CACHD1: variants seen among roughly 807,000 people sequenced by gnomAD.
CACHD1 encodes VWFA and cache domain-containing protein 1.
In CACHD1, 71 loss-of-function variants were observed where a neutral mutation model predicts 138.7. The ratio of observed to expected loss-of-function variants is 0.51; its 90% CI spans 0.42 to 0.62. The LOEUF is 0.62. Among genes scored for constraint, CACHD1 ranks in the 20% least tolerant of loss-of-function variants. CACHD1 has a pLI of 0.00. For synonymous variants in CACHD1, 578 were observed against 591.5 expected (o/e 0.98, Z 0.33); for missense variants, 1,389 against 1,625.3 (o/e 0.85, Z 2.50).
intron 7 of CACHD1, among the ~76,000 whole-genome samples, chr1:64,634,926 G>A (rs1648460628): frequency 7.2e-6 from 1 of 139,486 alleles, no homozygotes; most frequent in Admixed American, 7.9e-5. Context: ...AACCCAGGAG[G>A]CAGAGGTTGC....
At chr1:64,592,279 T>C (rs760007308) in intron 3 of CACHD1, among the ~76,000 whole-genome samples, 4 of 152,200 alleles carry the variant, frequency 2.6e-5, no homozygotes, top group African/African-American at 4.8e-5. Flanking sequence ...CATTTTCGAC[T>C]CAACTTGTCT....
At chr1:64,690,982 C>T (rs1181316629) in intron 26 of CACHD1, among the ~76,000 whole-genome samples, 3 of 151,912 alleles carry the variant, frequency 2.0e-5, no homozygotes, top group Non-Finnish European at 4.4e-5. Context: ...AGTGGTGGCT[C>T]GCCATGGATG....
At chr1:64,568,478 G>C (rs1646900999) in intron 2 of CACHD1, among the ~76,000 whole-genome samples, 1 of 152,092 alleles carries the variant, frequency 6.6e-6, no homozygotes, top group South Asian at 2.1e-4. Flanking sequence ...GTACTGTTCA[G>C]CTAGGAAAAA....
In CACHD1 at chr1:64,691,555, A is replaced by C. The variant is rs780875953; in HGVS notation, c.3819A>C (p.Glu1273Asp). ...AAVTVHTVDA[E>D]C ...TCACGGTACACACTGTCGATGCAGA[A>C]TGCTAACAATCTCCTCACCTCCACG... Residue 1273 changes from glutamate to aspartate, a missense_variant, in exon 27 of 27, where the codon GAA becomes GAC. This residue lies in a region of CACHD1 where 78 missense variants were observed against 76.9 expected (regional missense o/e 1.01). Transcript: ENST00000651257. 3.1e-6 allele frequency: 5 copies of C among 1,613,198 alleles called. No homozygotes were observed. The highest frequency in any genetic ancestry group is 4.2e-6 in the Non-Finnish European group (5 of 1,179,176).
At chr1:64,514,197 C>T (rs1646442505) in intron 1 of CACHD1, among the ~76,000 whole-genome samples, 2 of 152,162 alleles carry the variant, frequency 1.3e-5, no homozygotes, top group East Asian at 3.8e-4. Context: ...GTGAACATCC[C>T]CCAGTTAAGA....
intron 2 of CACHD1, among the ~76,000 whole-genome samples, chr1:64,568,710 A>G (rs1168699305): frequency 6.6e-6 from 1 of 152,206 alleles, no homozygotes; most frequent in African/African-American, 2.4e-5. Flanking sequence ...AGGGGTATGT[A>G]TAGTACATTA....
At chr1:64,619,035 A>G (rs1283034984) in intron 4 of CACHD1, among the ~76,000 whole-genome samples, 1 of 152,266 alleles carries the variant, frequency 6.6e-6, no homozygotes, top group African/African-American at 2.4e-5. Context: ...ACAAAAATCC[A>G]TCTTTTTCCC....
At chr1:64,500,743 A>T (rs915900826) in intron 1 of CACHD1, among the ~76,000 whole-genome samples, 1 of 19,240 alleles carries the variant, frequency 5.2e-5, no homozygotes, top group Non-Finnish European at 5.4e-4. Context: ...AAAGAGAGAG[A>T]GAGAGAGAGA....
chr1:64,500,717 T>TAAAAAAAA (rs72436564), intron 1 of CACHD1, among the ~76,000 whole-genome samples: 9 of 33,916 alleles, frequency 2.7e-4, no homozygotes, highest in South Asian at 1.8e-3. Flanking sequence ...CCTTGTCTCT[T>TAAAAAAAA]AAAAAAAAAA....
chr1:64,524,594 CTCA>C (rs1553129372), intron 1 of CACHD1, among the ~76,000 whole-genome samples: 1 of 152,170 alleles, frequency 6.6e-6, no homozygotes, highest in East Asian at 1.9e-4. Flanking sequence ...GCCTATCTAC[CTCA>C]CTGAATTTGC....
intron 17 of CACHD1, 85 bp downstream of exon 17, chr1:64,671,771 A>G (rs1490228532): frequency 6.6e-7 from 1 of 1,509,058 alleles, no homozygotes; most frequent in East Asian, 2.3e-5. Context: ...GGAACCGCAT[A>G]GTTATGGTCA....
chr1:64,519,984 A>G (rs191971862), intron 1 of CACHD1, among the ~76,000 whole-genome samples: 51 of 152,350 alleles, frequency 3.3e-4, no homozygotes, highest in Middle Eastern at 3.4e-3. Context: ...TATATCAGCC[A>G]GTAGGCACAA....
At chr1:64,535,327 G>GGTTT (rs1408663639) in intron 1 of CACHD1, among the ~76,000 whole-genome samples, 1 of 136,642 alleles carries the variant, frequency 7.3e-6, no homozygotes, top group Non-Finnish European at 1.6e-5. Context: ...AATTTGGAGG[G>GGTTT]TTTTTTTTTT....
intron 1 of CACHD1, among the ~76,000 whole-genome samples, chr1:64,488,791 T>G (rs1313054583): frequency 6.6e-6 from 1 of 152,244 alleles, no homozygotes; most frequent in Non-Finnish European, 1.5e-5. Context: ...ATTCTCATGT[T>G]GAAACAATTT....
At chr1:64,620,664 A>G (rs1236268254) in intron 4 of CACHD1, among the ~76,000 whole-genome samples, 1 of 152,210 alleles carries the variant, frequency 6.6e-6, no homozygotes, top group Admixed American at 6.5e-5. Context: ...TTTCCAAATC[A>G]TGGAAGGTAT....
chr1:64,583,901 A>G (rs1647031222), intron 3 of CACHD1, among the ~76,000 whole-genome samples: 1 of 152,156 alleles, frequency 6.6e-6, no homozygotes. Flanking sequence ...CCTTCCCATG[A>G]TATGTGGGGA....
At chr1:64,558,714 C>T (rs1296900444) in intron 2 of CACHD1, among the ~76,000 whole-genome samples, 1 of 152,104 alleles carries the variant, frequency 6.6e-6, no homozygotes, top group Non-Finnish European at 1.5e-5. Flanking sequence ...AATAGGCAAC[C>T]TACAGAAAGG....
At chr1:64,482,484 C>G (rs1336298861) in intron 1 of CACHD1, among the ~76,000 whole-genome samples, 1 of 152,318 alleles carries the variant, frequency 6.6e-6, no homozygotes, top group East Asian at 1.9e-4. Flanking sequence ...GCCGCTTTTT[C>G]TGCTCCCTTT....
At chr1:64,563,042 A>G (rs977376740) in intron 2 of CACHD1, among the ~76,000 whole-genome samples, 3 of 152,120 alleles carry the variant, frequency 2.0e-5, no homozygotes, top group African/African-American at 7.2e-5. Flanking sequence ...TCAAACTGCT[A>G]ATCTATTTTT....
Sources: gnomAD v4.1 joint callset for allele counts (sites outside exome capture counted in the v4.1 genomes callset) on GRCh38, gnomAD v4.1.1 for gene constraint, gnomAD v4.1.1 regional missense constraint, MANE v1.5 for transcripts, NCBI Gene and HGNC (gene_info 2026-07-23, HGNC 2026-07-21) for gene names.